The following ADAMTS14 variants were observed in gnomAD, a reference collection of about 807,000 sequenced individuals.
ADAMTS14 encodes the protein ADAM metallopeptidase with thrombospondin type 1 motif 14.
In ADAMTS14, 100 loss-of-function variants were observed where a neutral mutation model predicts 128.6. The observed-to-expected ratio is 0.78, with a 90% confidence interval of 0.66 to 0.92. ADAMTS14 has a LOEUF of 0.92. Ranked by LOEUF, ADAMTS14 falls within the 40% of genes least tolerant of loss-of-function variation. The pLI is 0.00. For synonymous variants in ADAMTS14, 665 were observed against 653.8 expected (o/e 1.02, Z -0.26); for missense variants, 1,562 against 1,658.6 (o/e 0.94, Z 1.01).
At chr10:70,686,245 G>A (rs987404648) in intron 2 of ADAMTS14, among the ~76,000 whole-genome samples, 1 of 151,612 alleles carries the variant, frequency 6.6e-6, no homozygotes, top group East Asian at 1.9e-4. Flanking sequence ...TGTTCCCAAC[G>A]GGTGGCTGAA....
intron 11 of ADAMTS14, among the ~76,000 whole-genome samples, chr10:70,740,306 T>C (rs985429919): frequency 2.2e-4 from 34 of 152,236 alleles, no homozygotes; most frequent in African/African-American, 7.7e-4. Flanking sequence ...TTGGACACTT[T>C]GTATCAAGTC....
intron 4 of ADAMTS14, among the ~76,000 whole-genome samples, chr10:70,709,424 G>GT (rs112292093): frequency 0.35 from 51,321 of 147,048 alleles, 9,388 homozygotes; most frequent in East Asian, 0.64. Context: ...CAGAAATGTA[G>GT]TTTTTTTTTA....
chr10:70,743,486 T>C (rs539067606), intron 12 of ADAMTS14, 62 bp from the exon 13 acceptor site: 2 of 1,544,026 alleles, frequency 1.3e-6, no homozygotes, highest in African/African-American at 2.8e-5. Flanking sequence ...CACATACTGA[T>C]CTGTCCTGGG....
At chr10:70,711,312 G>A (rs1178459743) in intron 4 of ADAMTS14, among the ~76,000 whole-genome samples, 2 of 152,206 alleles carry the variant, frequency 1.3e-5, no homozygotes, top group East Asian at 3.9e-4. Flanking sequence ...CTGGTTCCCA[G>A]GCAAAATCTC....
At chr10:70,736,876 A>G in intron 10 of ADAMTS14, 83 bp downstream of exon 10, 1 of 1,266,268 alleles carries the variant, frequency 7.9e-7, no homozygotes. Context: ...CCCAGAGTGA[A>G]CCCTGACCCC....
At chr10:70,684,559 T>A (rs1839902173) in intron 2 of ADAMTS14, among the ~76,000 whole-genome samples, 1 of 152,268 alleles carries the variant, frequency 6.6e-6, no homozygotes, top group Non-Finnish European at 1.5e-5. Flanking sequence ...TGATTTGACG[T>A]CTCTGAGCCT....
intron 21 of ADAMTS14, among the ~76,000 whole-genome samples, chr10:70,759,131 C>CG (rs1365378980): frequency 8.3e-6 from 1 of 121,168 alleles, no homozygotes; most frequent in East Asian, 2.3e-4. Context: ...CAATCTTCTA[C>CG]TTCTCTGCTC....
intron 4 of ADAMTS14, among the ~76,000 whole-genome samples, chr10:70,715,189 G>A (rs1841000788): frequency 6.6e-6 from 1 of 152,164 alleles, no homozygotes; most frequent in South Asian, 2.1e-4. Flanking sequence ...CCCAGATGCT[G>A]CTGCTTTTAA....
Position 70,760,686 on chromosome 10 carries a change from G to A in ADAMTS14, c.3505G>A (p.Glu1169Lys). Residue 1169 changes from glutamate (E) to lysine (K), a missense_variant, in exon 22 of 22, where the codon GAG becomes AAG. Physicochemically the swap from Glu to Lys is moderately conservative, Grantham distance 56. Coordinates refer to ENST00000373207, the MANE Select transcript of ADAMTS14 (RefSeq NM_080722.4). ...AGGGACCCAGCATCCCTTTGCCCCT[G>A]AGACACCAATCCCTGGAGCATCCTG... ...SPGTQHPFAP[E>K]TPIPGASWSI... The A allele has an allele frequency of 6.2e-7, 1 of 1,614,174 alleles. No individual in the cohort carries two copies. The highest frequency in any genetic ancestry group is 8.5e-7 in the Non-Finnish European group (1 of 1,180,020).
At chr10:70,715,823 A>G (rs1841020437) in intron 4 of ADAMTS14, among the ~76,000 whole-genome samples, 1 of 152,150 alleles carries the variant, frequency 6.6e-6, no homozygotes, top group Non-Finnish European at 1.5e-5. Context: ...CTGGAGTTAT[A>G]AGAGACCACG....
chr10:70,725,241 A>G (rs926739305), intron 4 of ADAMTS14, among the ~76,000 whole-genome samples: 1 of 152,168 alleles, frequency 6.6e-6, no homozygotes. Context: ...AACTGCCAGC[A>G]GGAGACTTAA....
chr10:70,742,053 AG>A (rs1369379391), intron 12 of ADAMTS14, among the ~76,000 whole-genome samples: 1 of 152,160 alleles, frequency 6.6e-6, no homozygotes, highest in African/African-American at 2.4e-5. Flanking sequence ...TCAGCTCTTC[AG>A]CTCTGGTCTA....
chr10:70,703,958 G>A (rs946700470), intron 3 of ADAMTS14, among the ~76,000 whole-genome samples: 2 of 152,252 alleles, frequency 1.3e-5, no homozygotes, highest in African/African-American at 2.4e-5. Flanking sequence ...TTAGTTGAAG[G>A]CCAGTCGTGG....
At chr10:70,727,561 C>T (rs572949860) in intron 4 of ADAMTS14, among the ~76,000 whole-genome samples, 3 of 84,966 alleles carry the variant, frequency 3.5e-5, no homozygotes, top group Admixed American at 1.1e-4. Context: ...TCCCTGACCG[C>T]GCTGGTGGCA....
chr10:70,738,905 T>C lies in ADAMTS14; in HGVS notation c.1663T>C (p.Trp555Arg). ...GCAGACATATGGCCAGGATGGAGGC[T>C]GGAGCTCCTGGACCAAGTTTGGGTC... Reference protein sequence around the residue: ...PEQTYGQDGGWSSWTKFGSCS... With the variant: ...PEQTYGQDGGRSSWTKFGSCS... The change falls in exon 11 of 22, where the codon TGG becomes CGG. Residue 555 changes from tryptophan (W) to arginine (R), a missense_variant. Transcript: ENST00000373207. 7 of 1,614,076 alleles carry C rather than the reference T, an allele frequency of 4.3e-6. No individual in the cohort carries two copies. The highest frequency in any genetic ancestry group is 1.1e-5 in the South Asian group (1 of 91,082).
Position 70,761,012 on chromosome 10 carries a change from A to C in ADAMTS14, c.*159A>C. ...GGGCTGTGATGCTCTTTACCCCACA[A>C]AGCGGGGTGGGAGGAAGACAAAGAT... On this transcript the variant is annotated 3_prime_UTR_variant, in exon 22 of 22. Coordinates refer to ENST00000373207, the MANE Select transcript of ADAMTS14 (RefSeq NM_080722.4). 2 of 1,081,000 alleles carry C rather than the reference A, an allele frequency of 1.9e-6. No homozygotes were observed. The highest frequency in any genetic ancestry group is 2.5e-6 in the Non-Finnish European group (2 of 795,054). The allele number at this position is 1,081,000 out of a possible 1,614,324, so 67.0% of individuals were successfully genotyped here. A position where few individuals can be genotyped will look rare whatever the true frequency, so the allele number is the denominator to read the frequency against.
chr10:70,734,047 C>A lies in ADAMTS14; in HGVS notation c.1352+19C>A. 2 of 1,608,660 alleles carry A rather than the reference C, an allele frequency of 1.2e-6. No homozygotes were observed. Among genetic ancestry groups the A allele is most frequent in the Non-Finnish European group, 1.7e-6 (2 of 1,178,934 alleles). On this transcript the variant is annotated intron_variant, in intron 8 of 21. Transcript: ENST00000373207. ...ACCTCCCGTAGGTCATTCCTGCCCT[C>A]AGAGCTGGGATAGGGGAGCATGCGA...
intron 4 of ADAMTS14, among the ~76,000 whole-genome samples, chr10:70,723,601 A>T (rs7096308): frequency 6.6e-6 from 1 of 151,712 alleles, no homozygotes; most frequent in Admixed American, 6.6e-5. Flanking sequence ...GAAGCAATGC[A>T]AGGAGGCGCT....
At position 70,708,644 on chromosome 10, in the gene ADAMTS14, G is replaced by A. The variant is rs750647007; in HGVS notation, c.736G>A (p.Asp246Asn). Reference sequence around the variant, plus strand: ...GGGCCTGGTGGGGGACCAGCTGGGCGACACAGAGCGGAAGCGGCGGCATGC... The same window carrying A: ...GGGCCTGGTGGGGGACCAGCTGGGCAACACAGAGCGGAAGCGGCGGCATGC... ...LLGLVGDQLG[D>N]TERKRRHAKP... Residue 246 changes from aspartate (D) to asparagine (N), a missense_variant, in exon 4 of 22, where the codon GAC (aspartate) becomes AAC (asparagine). Transcript: ENST00000373207. 16 of 1,612,874 alleles carry A rather than the reference G, an allele frequency of 9.9e-6. No homozygotes were observed. The highest frequency in any genetic ancestry group is 4.0e-5 in the African/African-American group (3 of 74,876).
Sources: gnomAD v4.1 joint callset for allele counts (sites outside exome capture counted in the v4.1 genomes callset) on GRCh38, gnomAD v4.1.1 for gene constraint, MANE v1.5 for transcripts, NCBI Gene and HGNC (gene_info 2026-07-23, HGNC 2026-07-21) for gene names.